Variants in PSMD13 observed in about 807,000 individuals in gnomAD.
The protein encoded by PSMD13 is proteasome 26S subunit, non-ATPase 13.
PSMD13 carries 8 observed loss-of-function variants against 57.4 expected under a neutral mutation model. That is an observed-to-expected ratio of 0.14 (90% confidence interval 0.08 to 0.25). The LOEUF (loss-of-function observed/expected upper bound fraction) is 0.25, where lower values mean the gene tolerates loss of function less well. PSMD13 is among the 10% of genes least tolerant of loss of function. The probability of loss-of-function intolerance (pLI) is 1.00; values close to 1 mark genes in which losing one functional copy is unlikely to be tolerated. For synonymous variants in PSMD13, 193 were observed against 168.2 expected (o/e 1.15, Z -1.14); for missense variants, 400 against 461.5 (o/e 0.87, Z 1.22).
Position 252,012 on chromosome 11 carries a change from G to T in PSMD13, c.1035+76G>T. ...GTCTATACCGTCTTAGTTTCATTTG[G>T]ATGGAAGCCATTTGGGAAGACAGCA... On this transcript the variant is annotated intron_variant, in intron 12 of 12. Transcript: ENST00000532097. The surrounding 1 kb of genome is among the most constrained non-coding windows in gnomAD (Gnocchi z 4.1). The T allele has an allele frequency of 7.5e-7, 1 of 1,340,712 alleles. No homozygotes were observed. The highest frequency in any genetic ancestry group is 1.0e-6 in the Non-Finnish European group (1 of 954,138). The allele number at this position is 1,340,712 out of a possible 1,614,324, so 83.1% of individuals were successfully genotyped here.
In PSMD13 at chr11:251,726, A is replaced by G. The variant is rs1331267667; in HGVS notation, c.919-94A>G. On this transcript the variant is annotated intron_variant, in intron 11 of 12. Coordinates refer to ENST00000532097, the MANE Select transcript of PSMD13 (RefSeq NM_002817.4). This position sits in a 1 kb window ranked among gnomAD's most constrained non-coding sequence, Gnocchi z 4.6. ...TGTGCTCCCTAGACAGTAAAAAATG[A>G]CGGGAGGAGCGGCATCTGCTTCTCA... 7 of 1,532,934 alleles carry G rather than the reference A, an allele frequency of 4.6e-6. No homozygotes were observed. The highest frequency in any genetic ancestry group is 2.8e-5 in the African/African-American group (2 of 72,698). The allele number at this position is 1,532,934 out of a possible 1,614,324, so 95.0% of individuals were successfully genotyped here. A position where few individuals can be genotyped will look rare whatever the true frequency, so the allele number is the denominator to read the frequency against.
At chr11:247,588 T>G (rs1201800729) in intron 7 of PSMD13, 140 bp downstream of exon 7, 1 of 926,006 alleles carries the variant, frequency 1.1e-6, no homozygotes, top group Non-Finnish European at 1.6e-6. Context: ...TCCCAGCACT[T>G]TGGAAGGCTG....
chr11:244,009 C>T, intron 2 of PSMD13, 32 bp from the exon 3 acceptor site: 1 of 1,584,270 alleles, frequency 6.3e-7, no homozygotes, highest in Non-Finnish European at 8.6e-7. Flanking sequence ...AAAAGACATC[C>T]TATAATTTCT....
chr11:239,395 A>G (rs75124820), intron 2 of PSMD13, among the ~76,000 whole-genome samples: 1,605 of 152,354 alleles, frequency 0.011, 4 homozygotes, highest in Middle Eastern at 0.017. Context: ...TTATCTTACA[A>G]CATGCCTAAG....
chr11:239,182 A>C, intron 2 of PSMD13, 106 bp downstream of exon 2: 1 of 1,133,402 alleles, frequency 8.8e-7, no homozygotes, highest in Non-Finnish European at 1.3e-6. Context: ...AATATTCAGC[A>C]GTCACTTTAC....
intron 2 of PSMD13, among the ~76,000 whole-genome samples, chr11:243,668 G>C (rs1364537055): frequency 6.6e-6 from 1 of 152,188 alleles, no homozygotes; most frequent in African/African-American, 2.4e-5. Flanking sequence ...AATACCAACA[G>C]CCCGGAAGCC....
chr11:240,467 T>G (rs1859491148), intron 2 of PSMD13, among the ~76,000 whole-genome samples: 2 of 152,206 alleles, frequency 1.3e-5, no homozygotes, highest in African/African-American at 4.8e-5. Flanking sequence ...GATAGATGAT[T>G]CATAATTGTT....
At chr11:248,307 G>C (rs1005259809) in intron 7 of PSMD13, 5 of 160,766 alleles carry the variant, frequency 3.1e-5, no homozygotes, top group African/African-American at 1.2e-4. Context: ...AAGGAGACCA[G>C]CAACTCTTAA....
chr11:245,684 GCA>G (rs1180957332), intron 6 of PSMD13, among the ~76,000 whole-genome samples: 3,923 of 91,150 alleles, frequency 0.043, 174 homozygotes, highest in African/African-American at 0.093. Flanking sequence ...GTGTGTGTTT[GCA>G]TGTGTGTTCG....
chr11:244,134 C>T, intron 3 of PSMD13, 27 bp from the exon 4 acceptor site: 1 of 1,607,392 alleles, frequency 6.2e-7, no homozygotes, highest in South Asian at 1.1e-5. Context: ...CTCGGCGGTG[C>T]TCAAAGGCTG....
At chr11:249,699 G>A (rs757940680) in intron 9 of PSMD13, among the ~76,000 whole-genome samples, 23 of 152,084 alleles carry the variant, frequency 1.5e-4, no homozygotes, top group Non-Finnish European at 2.8e-4. Context: ...AGTTGTCTCT[G>A]GAAGGTGGGA....
rs372259956 is a variant in PSMD13, at chr11:252,838, A to G, written c.*238A>G. ...GGTGGGGGTCTCAGGGTCTTAGGTG[A>G]TACGGGAGAGAAAGAACGTGCCAGG... On this transcript the variant is annotated 3_prime_UTR_variant, in exon 13 of 13. Coordinates refer to ENST00000532097, the MANE Select transcript of PSMD13 (RefSeq NM_002817.4). This position sits in a 1 kb window ranked among gnomAD's most constrained non-coding sequence, Gnocchi z 4.1. The G allele has an allele frequency of 1.3e-4, 63 of 478,620 alleles. No homozygotes were observed. The highest frequency in any genetic ancestry group is 1.3e-3 in the South Asian group (46 of 35,382). The allele number at this position is 478,620 out of a possible 1,614,324, so 29.6% of individuals were successfully genotyped here. A position where few individuals can be genotyped will look rare whatever the true frequency, so the allele number is the denominator to read the frequency against.
rs1480063762 is a variant in PSMD13, at chr11:251,071, T to C, written c.837+206T>C. On this transcript the variant is annotated intron_variant, in intron 10 of 12. Transcript: ENST00000532097. This position sits in a 1 kb window ranked among gnomAD's most constrained non-coding sequence, Gnocchi z 4.6. ...TTGGCTCTTAGCTCAGACGACACCCTCCCACCCCACTGCCACCACCCTGAG... is the reference window on the plus strand; with the variant it reads ...TTGGCTCTTAGCTCAGACGACACCCCCCCACCCCACTGCCACCACCCTGAG... 3 of 562,322 alleles carry C rather than the reference T, an allele frequency of 5.3e-6. No individual in the cohort carries two copies. The highest frequency in any genetic ancestry group is 3.0e-5 in the East Asian group (1 of 32,816). The allele number at this position is 562,322 out of a possible 1,614,324, so 34.8% of individuals were successfully genotyped here. A position where few individuals can be genotyped will look rare whatever the true frequency, so the allele number is the denominator to read the frequency against.
At chr11:249,562 G>GGTGCGGGGAGGGGGTTAGGGT (rs1859730340) in intron 9 of PSMD13, among the ~76,000 whole-genome samples, 1 of 145,684 alleles carries the variant, frequency 6.9e-6, no homozygotes, top group Admixed American at 6.8e-5. Flanking sequence ...GAGAGCGGCG[G>GGTGCGGGGAGGGGGTTAGGGT]GTGCGGGGAG....
At chr11:246,544 C>T (rs1321977299) in intron 6 of PSMD13, among the ~76,000 whole-genome samples, 1 of 152,114 alleles carries the variant, frequency 6.6e-6, no homozygotes, top group East Asian at 1.9e-4. Context: ...CTATCACAAA[C>T]AGTACTGCCA....
intron 2 of PSMD13, chr11:243,270 T>A (rs1859556159): frequency 2.3e-6 from 1 of 437,860 alleles, no homozygotes; most frequent in Non-Finnish European, 4.6e-6. Flanking sequence ...TTTTCCTGTT[T>A]GAGCTGGGCC....
chr11:244,587 GGTTAA>G, intron 5 of PSMD13, 83 bp from the exon 6 acceptor site: 1 of 1,513,100 alleles, frequency 6.6e-7, no homozygotes, highest in Non-Finnish European at 9.1e-7. Context: ...TAGTCATCAA[GGTTAA>G]GTTAATGTAC....
In PSMD13 at chr11:252,607, C is replaced by G; in HGVS notation, c.*7C>G. The stretch of plus-strand genomic sequence containing the variant: ...CCATGACATCCTCACCTAGGGCCCC[C>G]TGGTTCCCCGTCGTGTCTCCTTTGA... On this transcript the variant is annotated 3_prime_UTR_variant, in exon 13 of 13. Transcript: ENST00000532097. The surrounding 1 kb of genome is among the most constrained non-coding windows in gnomAD (Gnocchi z 4.1). The G allele has an allele frequency of 6.2e-7, 1 of 1,613,342 alleles. No individual in the cohort carries two copies. Among genetic ancestry groups the G allele is most frequent in the Non-Finnish European group, 8.5e-7 (1 of 1,179,326 alleles).
chr11:250,721 T>G (rs183245579), intron 9 of PSMD13, 82 bp from the exon 10 acceptor site: 1 of 1,322,224 alleles, frequency 7.6e-7, no homozygotes, highest in Non-Finnish European at 1.1e-6. Flanking sequence ...TCTACTGTTA[T>G]AGAACGAATT....
Sources: gnomAD v4.1 joint callset for allele counts (sites outside exome capture counted in the v4.1 genomes callset) on GRCh38, gnomAD v4.1.1 for gene constraint, Gnocchi (gnomAD v3.1) non-coding constraint, MANE v1.5 for transcripts, NCBI Gene and HGNC (gene_info 2026-07-23, HGNC 2026-07-21) for gene names.